The following GRM5 variants were observed in gnomAD, a reference collection of about 807,000 sequenced individuals.
The protein encoded by GRM5 is glutamate metabotropic receptor 5, also known as metabotropic glutamate receptor 5.
Under a neutral mutation model 83.1 loss-of-function variants are expected in GRM5, and 19 were observed. The observed-to-expected ratio is 0.23, with a 90% CI of 0.16 to 0.34. GRM5 has a LOEUF of 0.34. GRM5 is among the 10% of genes least tolerant of loss of function. The pLI, the probability that GRM5 is intolerant of heterozygous loss-of-function variation, is 1.00. For synonymous variants in GRM5, 675 were observed against 633.6 expected, an observed-to-expected ratio of 1.07 and a Z score of -0.98; for missense variants, 1,160 against 1,588.3, an observed-to-expected ratio of 0.73 and a Z score of 4.58.
chr11:89,064,888 C>CTCTCTCTCTCTCTCTCTCTG (rs1218318990), intron 1 of GRM5, among the ~76,000 whole-genome samples: 2 of 62,268 alleles, frequency 3.2e-5, no homozygotes, highest in African/African-American at 1.4e-4. Flanking sequence ...CTCTCTCTCT[C>CTCTCTCTCTCTCTCTCTCTG]TGTGTGTGTG....
In GRM5 at chr11:89,034,541, T is replaced by C. The variant is rs573859330; in HGVS notation, c.661+12671A>G. ...CTTTGTATATATCTGAGAAAACTCA[T>C]GTGCTAGCAAGTGCTTCCAGTTCAC... On this transcript the variant is annotated intron_variant, in intron 2 of 9. Transcript: ENST00000305447. Among the ~76,000 whole-genome samples, 191 of 151,998 alleles carry C rather than the reference T, an allele frequency of 1.3e-3. 1 individual carries two copies. The highest frequency in any genetic ancestry group is 4.4e-3 in the African/African-American group (182 of 41,546).
chr11:88,814,966 G>T (rs1234354331), intron 3 of GRM5, among the ~76,000 whole-genome samples: 1 of 152,020 alleles, frequency 6.6e-6, no homozygotes, highest in Admixed American at 6.6e-5. Flanking sequence ...AAAATAAAAA[G>T]AATTCACAAG....
At chr11:88,738,318 GA>G (rs1026322337) in intron 3 of GRM5, among the ~76,000 whole-genome samples, 1 of 152,000 alleles carries the variant, frequency 6.6e-6, no homozygotes, top group Non-Finnish European at 1.5e-5. Context: ...CAGAACCACA[GA>G]AAAATGTTGT....
intron 4 of GRM5, among the ~76,000 whole-genome samples, chr11:88,632,855 G>A (rs1939014116): frequency 6.6e-6 from 1 of 152,102 alleles, no homozygotes; most frequent in Non-Finnish European, 1.5e-5. Flanking sequence ...GATATGACCA[G>A]GCTTTATAAT....
intron 3 of GRM5, among the ~76,000 whole-genome samples, chr11:88,729,749 T>C (rs1941765935): frequency 1.3e-5 from 2 of 152,128 alleles, no homozygotes; most frequent in African/African-American, 4.8e-5. Flanking sequence ...GATCTTTCTT[T>C]GACAAACCTG....
intron 3 of GRM5, among the ~76,000 whole-genome samples, chr11:88,804,586 A>G (rs537659237): frequency 6.6e-6 from 1 of 152,128 alleles, no homozygotes; most frequent in Non-Finnish European, 1.5e-5. Context: ...ACCTAATGCT[A>G]AATGACGAGT....
At chr11:88,890,890 A>G (rs1945133945) in intron 2 of GRM5, among the ~76,000 whole-genome samples, 1 of 152,144 alleles carries the variant, frequency 6.6e-6, no homozygotes, top group South Asian at 2.1e-4. Context: ...TTTTAAAGGC[A>G]AGGTGTATAA....
chr11:88,803,942 C>T (rs1402132488), intron 3 of GRM5, among the ~76,000 whole-genome samples: 2 of 151,978 alleles, frequency 1.3e-5, no homozygotes, highest in Admixed American at 1.3e-4. Context: ...AAAATGCTCA[C>T]CATCACTGGC....
intron 2 of GRM5, among the ~76,000 whole-genome samples, chr11:88,955,281 C>T (rs1590994542): frequency 1.3e-5 from 2 of 152,276 alleles, no homozygotes; most frequent in South Asian, 4.1e-4. Flanking sequence ...AACAGTTCAG[C>T]TTATGTTTTA....
rs1290002104 is a variant in GRM5 at position 88,819,520 on chromosome 11, C to T, written c.911+30386G>A. On this transcript the variant is annotated intron_variant, in intron 3 of 9. Coordinates refer to ENST00000305447, the MANE Select transcript of GRM5 (RefSeq NM_001143831.3). ...AGATATCTTGCTAAGTTTGTTATCTCAATAGTCATTTTTTGAAACAAAAAT... is the reference window on the plus strand; with the variant it reads ...AGATATCTTGCTAAGTTTGTTATCTTAATAGTCATTTTTTGAAACAAAAAT... Among the ~76,000 whole-genome samples the T allele has an allele frequency of 2.0e-5, 3 of 152,128 alleles. No individual in the cohort carries two copies. The East Asian group carries it at 5.8e-4, about 29-fold the overall frequency.
At chr11:88,979,167 T>C (rs1393531597) in intron 2 of GRM5, among the ~76,000 whole-genome samples, 2 of 152,112 alleles carry the variant, frequency 1.3e-5, no homozygotes, top group Non-Finnish European at 2.9e-5. Context: ...GAAAGGAGAA[T>C]TGGGGCCTTG....
At chr11:88,669,623 T>C (rs894933032) in intron 3 of GRM5, among the ~76,000 whole-genome samples, 1 of 152,064 alleles carries the variant, frequency 6.6e-6, no homozygotes, top group Admixed American at 6.6e-5. Context: ...TGGTGCATAC[T>C]AGTTTGGCAT....
At chr11:88,643,183 A>T (rs535968928) in intron 4 of GRM5, among the ~76,000 whole-genome samples, 1 of 152,196 alleles carries the variant, frequency 6.6e-6, no homozygotes, top group East Asian at 1.9e-4. Flanking sequence ...GGAAGCTTTT[A>T]CTCATTGCAG....
intron 2 of GRM5, among the ~76,000 whole-genome samples, chr11:89,012,697 T>C (rs113923027): frequency 6.4e-4 from 98 of 152,218 alleles, no homozygotes; most frequent in African/African-American, 2.3e-3. Context: ...TCTCGCAAAA[T>C]TGAACAATAT....
At chr11:88,993,287 A>T (rs1328261976) in intron 2 of GRM5, among the ~76,000 whole-genome samples, 1 of 147,034 alleles carries the variant, frequency 6.8e-6, no homozygotes, top group Non-Finnish European at 1.5e-5. Context: ...AAAAAAAGAC[A>T]AGTGTCCAGT....
At chr11:88,763,630 G>C (rs183465986) in intron 3 of GRM5, among the ~76,000 whole-genome samples, 1 of 151,840 alleles carries the variant, frequency 6.6e-6, no homozygotes, top group East Asian at 1.9e-4. Context: ...GTTGTTAAAA[G>C]AACAGAATCT....
At chr11:88,856,359 C>G (rs1357935063) in intron 2 of GRM5, among the ~76,000 whole-genome samples, 1 of 151,930 alleles carries the variant, frequency 6.6e-6, no homozygotes, top group Non-Finnish European at 1.5e-5. Flanking sequence ...ACATATTAAC[C>G]TAGGCCTACA....
At chr11:88,659,163 G>A (rs1433739183) in intron 3 of GRM5, among the ~76,000 whole-genome samples, 1 of 152,138 alleles carries the variant, frequency 6.6e-6, no homozygotes, top group Non-Finnish European at 1.5e-5. Flanking sequence ...AGAAGGTAAA[G>A]GAGCATTTTT....
At position 88,562,361 on chromosome 11, in the gene GRM5, TA is replaced by T. The variant is rs1942776767; in HGVS notation, c.2630+4691del. Among the ~76,000 whole-genome samples the T allele has an allele frequency of 3.3e-5, 5 of 152,252 alleles. No homozygotes were observed. In the South Asian group the frequency reaches 1.0e-3, roughly 32 times the overall value. On this transcript the variant is annotated intron_variant, in intron 8 of 9. Coordinates refer to ENST00000305447, the MANE Select transcript of GRM5 (RefSeq NM_001143831.3). ...GTAATCATCAGCTAAGACCTTAATT[TA>T]AAAACTGCTCCATTACTCATTAGTC... is the stretch of plus-strand genomic sequence containing the variant.
Sources: gnomAD v4.1 joint callset for allele counts (sites outside exome capture counted in the v4.1 genomes callset) on GRCh38, gnomAD v4.1.1 for gene constraint, MANE v1.5 for transcripts, NCBI Gene and HGNC (gene_info 2026-07-23, HGNC 2026-07-21) for gene names.